DCTN6: variants seen among roughly 807,000 people sequenced by gnomAD.
DCTN6 encodes dynactin 6.
A neutral mutation model predicts 25.8 loss-of-function variants in DCTN6; 15 were observed. That is an observed-to-expected ratio of 0.58 (90% CI 0.39 to 0.89). The LOEUF is 0.89. DCTN6 is among the 40% of genes least tolerant of loss of function. The pLI, the probability that DCTN6 is intolerant of heterozygous loss-of-function variation, is 0.00. For synonymous variants in DCTN6, 64 were observed against 78.3 expected, an observed-to-expected ratio of 0.82 and a Z score of 0.96; for missense variants, 198 against 237.6, an observed-to-expected ratio of 0.83 and a Z score of 1.09.
Position 30,183,189 on chromosome 8 carries a change from T to C in DCTN6, c.*16T>C. The C allele has an allele frequency of 6.2e-7, 1 of 1,604,766 alleles. No homozygotes were observed. Among genetic ancestry groups the C allele is most frequent in the Non-Finnish European group, 8.5e-7 (1 of 1,172,396 alleles). ...AAAGAACTAAGAACAGTGTATAACA[T>C]GAAGATAACATTTTGTCTTTGACCA... On this transcript the variant is annotated 3_prime_UTR_variant, in exon 7 of 7. Coordinates refer to ENST00000221114, the MANE Select transcript of DCTN6 (RefSeq NM_006571.4).
At chr8:30,178,243 C>T (rs1031423834) in intron 4 of DCTN6, among the ~76,000 whole-genome samples, 2 of 152,046 alleles carry the variant, frequency 1.3e-5, no homozygotes, top group African/African-American at 4.8e-5. Flanking sequence ...GCGGGCAGAT[C>T]ACCTGAGGTT....
intron 4 of DCTN6, 97 bp downstream of exon 4, chr8:30,177,311 T>G: frequency 1.1e-6 from 1 of 934,730 alleles, no homozygotes. Flanking sequence ...TGGCTCTCCT[T>G]TAGTACCTAA....
intron 2 of DCTN6, among the ~76,000 whole-genome samples, chr8:30,171,024 T>C (rs1410097891): frequency 6.6e-6 from 1 of 152,168 alleles, no homozygotes; most frequent in African/African-American, 2.4e-5. Flanking sequence ...TTGTTTGAGT[T>C]CTTTATATAA....
intron 2 of DCTN6, among the ~76,000 whole-genome samples, chr8:30,169,528 AG>A (rs1803733378): frequency 6.6e-6 from 1 of 152,240 alleles, no homozygotes; most frequent in Non-Finnish European, 1.5e-5. Flanking sequence ...TAAGCCAAAT[AG>A]GGCTTCAGCA....
chr8:30,175,025 C>A, intron 2 of DCTN6, 60 bp from the exon 3 acceptor site: 1 of 1,526,424 alleles, frequency 6.6e-7, no homozygotes, highest in East Asian at 2.3e-5. Context: ...AGTCACCTTC[C>A]ACCCTTCTGT....
rs373600254 is a variant in DCTN6 at position 30,179,362 on chromosome 8, C to G, written c.284-46C>G. 4.8e-5 allele frequency: 73 copies of G among 1,534,102 alleles called. 1 individual carries two copies. The African/African-American group carries it at 9.1e-4, about 19-fold the overall frequency. On this transcript the variant is annotated intron_variant, in intron 4 of 6. Coordinates refer to ENST00000221114, the MANE Select transcript of DCTN6 (RefSeq NM_006571.4). ...TAAGTACATACTGTGTTAGTGGGGA[C>G]TAAAGATGAACATATTTGTAGTATT... is the stretch of plus-strand genomic sequence containing the variant.
intron 5 of DCTN6, among the ~76,000 whole-genome samples, chr8:30,180,009 G>A (rs1803891347): frequency 6.6e-6 from 1 of 152,122 alleles, no homozygotes. Context: ...GGTCCTGAGT[G>A]GCACGAAAGA....
At chr8:30,175,359 A>C (rs1025527816) in intron 3 of DCTN6, among the ~76,000 whole-genome samples, 169 bp downstream of exon 3, 1 of 152,196 alleles carries the variant, frequency 6.6e-6, no homozygotes, top group Non-Finnish European at 1.5e-5. Context: ...ACCAAATACC[A>C]TATGAGGGAA....
chr8:30,175,087 C>G lies in DCTN6; in HGVS notation c.91C>G (p.Pro31Ala). Reference sequence around the variant, plus strand: ...TCTTCTCAAACTATTTTTAACAGGACCTCGGACAGTGATCCACCCTAAAGC... The same window carrying G: ...TCTTCTCAAACTATTTTTAACAGGAGCTCGGACAGTGATCCACCCTAAAGC... ...SEIRGDVTIG[P>A]RTVIHPKARI... Residue 31 changes from proline (P) to alanine (A), a missense_variant and splice_region_variant, in exon 3 of 7, where the codon CCT becomes GCT. Pro to Ala is a conservative substitution (Grantham distance 27). Transcript: ENST00000221114. 6.2e-7 allele frequency: 1 copy of G among 1,613,920 alleles called. No individual in the cohort carries two copies. The highest frequency in any genetic ancestry group is 1.3e-5 in the African/African-American group (1 of 75,030).
chr8:30,181,424 T>A (rs932672032), intron 6 of DCTN6, among the ~76,000 whole-genome samples: 3 of 151,754 alleles, frequency 2.0e-5, no homozygotes, highest in Non-Finnish European at 4.4e-5. Flanking sequence ...TGAGAAATTA[T>A]CTCCTCCTAG....
chr8:30,175,300 A>G, intron 3 of DCTN6, 110 bp downstream of exon 3: 1 of 849,706 alleles, frequency 1.2e-6, no homozygotes, highest in South Asian at 1.6e-5. Flanking sequence ...CTACTATTTT[A>G]GAGCTAGAGA....
chr8:30,182,751 G>A (rs1803926147), intron 6 of DCTN6, among the ~76,000 whole-genome samples: 1 of 150,950 alleles, frequency 6.6e-6, no homozygotes, highest in Non-Finnish European at 1.5e-5. Context: ...GGAGTGCAGT[G>A]GTGTAATCAT....
chr8:30,174,755 C>T (rs1459665337), intron 2 of DCTN6, among the ~76,000 whole-genome samples: 1 of 152,176 alleles, frequency 6.6e-6, no homozygotes, highest in Non-Finnish European at 1.5e-5. Flanking sequence ...CCAGCATTAT[C>T]GCCCCTAGCC....
At chr8:30,157,265 T>C (rs1328584881) in intron 1 of DCTN6, among the ~76,000 whole-genome samples, 1 of 152,250 alleles carries the variant, frequency 6.6e-6, no homozygotes, top group Non-Finnish European at 1.5e-5. Flanking sequence ...AAAAGACATG[T>C]TTCCTTTCTT....
intron 6 of DCTN6, among the ~76,000 whole-genome samples, chr8:30,182,704 T>C (rs1160469134): frequency 1.3e-5 from 2 of 151,700 alleles, no homozygotes; most frequent in African/African-American, 4.8e-5. Flanking sequence ...TTTTTTTTTT[T>C]TTCTTTGAGA....
chr8:30,175,266 C>T (rs1344291845), intron 3 of DCTN6, 76 bp downstream of exon 3: 2 of 1,291,678 alleles, frequency 1.5e-6, no homozygotes, highest in Non-Finnish European at 2.2e-6. Context: ...CTGTAAGAAC[C>T]TTTTCAGCTG....
Position 30,183,059 on chromosome 8 carries a change from T to TA in DCTN6, c.475-15dup. On this transcript the variant is annotated splice_polypyrimidine_tract_variant and intron_variant, in intron 6 of 6. Coordinates refer to ENST00000221114, the MANE Select transcript of DCTN6 (RefSeq NM_006571.4). ...TTGCTTTCTGCCAATCGGCCTTAAT[T>TA]ACCTTATCTTTTTAGCCCCAGACAC... 2.5e-6 allele frequency: 4 copies of TA among 1,612,662 alleles called. No homozygotes were observed. The highest frequency in any genetic ancestry group is 3.4e-6 in the Non-Finnish European group (4 of 1,178,798).
At chr8:30,161,653 G>T (rs751395224) in intron 1 of DCTN6, among the ~76,000 whole-genome samples, 4 of 152,126 alleles carry the variant, frequency 2.6e-5, no homozygotes, top group African/African-American at 7.2e-5. Flanking sequence ...ACCTGGGAGG[G>T]GGGAAGAGGT....
Position 30,163,057 on chromosome 8 carries a change from G to A in DCTN6, c.24-1054G>A, listed in dbSNP as rs1346851598. Among the ~76,000 whole-genome samples, 10 of 152,052 alleles carry A rather than the reference G, an allele frequency of 6.6e-5. No individual in the cohort carries two copies. The East Asian group carries it at 1.9e-3, about 29-fold the overall frequency. Reference sequence around the variant, plus strand: ...TTATGCCTGTAATCTCAGCACTTTGGGAGGCTGAGGTGGGTGGATCACCTG... The same window carrying A: ...TTATGCCTGTAATCTCAGCACTTTGAGAGGCTGAGGTGGGTGGATCACCTG... On this transcript the variant is annotated intron_variant, in intron 1 of 6. Coordinates refer to ENST00000221114, the MANE Select transcript of DCTN6 (RefSeq NM_006571.4).
Sources: allele counts gnomAD v4.1 joint callset (sites outside exome capture counted in the v4.1 genomes callset), GRCh38; gene constraint gnomAD v4.1.1; transcripts MANE v1.5; gene names NCBI Gene and HGNC (gene_info 2026-07-23, HGNC 2026-07-21).